SEPTIN2: variants seen among roughly 807,000 people sequenced by gnomAD.
The protein encoded by SEPTIN2 is septin 2, also known as septin-2.
SEPTIN2 carries 34 observed loss-of-function variants against 46.5 expected under a neutral mutation model. The ratio of observed to expected loss-of-function variants is 0.73; its 90% CI spans 0.56 to 0.97. The LOEUF is 0.97. Ranked by LOEUF, SEPTIN2 falls within the 50% of genes least tolerant of loss-of-function variation. The pLI is 0.00. For missense variants in SEPTIN2, 347 were observed against 448.4 expected (o/e 0.77, Z 2.04); for synonymous variants, 175 against 153.4 (o/e 1.14, Z -1.04).
At chr2:241,346,984 A>G (rs1174887292) in intron 10 of SEPTIN2, among the ~76,000 whole-genome samples, 2 of 152,122 alleles carry the variant, frequency 1.3e-5, no homozygotes, top group Non-Finnish European at 2.9e-5. Flanking sequence ...CTTTTTAACC[A>G]TTCTAATATG....
At chr2:241,324,822 T>C (rs2077680932) in intron 2 of SEPTIN2, 1 of 152,672 alleles carries the variant, frequency 6.5e-6, no homozygotes, top group Non-Finnish European at 1.5e-5. Flanking sequence ...TCTGATAATT[T>C]ATTATGATGA....
At chr2:241,322,642 A>C (rs192144242) in intron 1 of SEPTIN2, among the ~76,000 whole-genome samples, 3 of 151,974 alleles carry the variant, frequency 2.0e-5, no homozygotes, top group Non-Finnish European at 4.4e-5. Flanking sequence ...AAAATTCCAC[A>C]TATCTTTAAA....
At chr2:241,328,243 T>C (rs1001135032) in intron 3 of SEPTIN2, among the ~76,000 whole-genome samples, 2 of 152,114 alleles carry the variant, frequency 1.3e-5, no homozygotes, top group African/African-American at 4.8e-5. Flanking sequence ...GAGACCAGCC[T>C]GGCCAACATG....
chr2:241,343,530 T>C (rs937477767), intron 8 of SEPTIN2, among the ~76,000 whole-genome samples: 1 of 152,154 alleles, frequency 6.6e-6, no homozygotes, highest in African/African-American at 2.4e-5. Context: ...AGCTATCACC[T>C]AAAGCTTAGA....
At chr2:241,321,573 G>GTT (rs1001941458) in intron 1 of SEPTIN2, among the ~76,000 whole-genome samples, 1 of 146,002 alleles carries the variant, frequency 6.8e-6, no homozygotes, top group African/African-American at 2.5e-5. Context: ...TGTTGTTTTT[G>GTT]TTTTTTTTTT....
chr2:241,350,832 C>G (rs1050902622), intron 12 of SEPTIN2, among the ~76,000 whole-genome samples: 1 of 152,154 alleles, frequency 6.6e-6, no homozygotes, highest in East Asian at 1.9e-4. Context: ...GCCCACTCCC[C>G]TGTATCTTAT....
At chr2:241,317,752 C>A (rs1244353568) in intron 1 of SEPTIN2, among the ~76,000 whole-genome samples, 2 of 107,958 alleles carry the variant, frequency 1.9e-5, no homozygotes, top group African/African-American at 6.1e-5. Context: ...CATGGACCTT[C>A]CGGGTTCTAC....
At chr2:241,331,547 C>T (rs573933212) in intron 3 of SEPTIN2, among the ~76,000 whole-genome samples, 39 of 152,262 alleles carry the variant, frequency 2.6e-4, no homozygotes, top group African/African-American at 8.7e-4. Context: ...TGCGCCACCA[C>T]GCCCATCTAA....
Position 241,337,528 on chromosome 2 carries a change from T to C in SEPTIN2, c.476+12T>C, listed in dbSNP as rs766398294. On this transcript the variant is annotated intron_variant, in intron 6 of 12. Transcript: ENST00000391971. ...CCTTTTGGACATGGGTAAGTAATTG[T>C]TTATCGTGGAGAAATGCTTTACTAC... 2 of 1,612,972 alleles carry C rather than the reference T, an allele frequency of 1.2e-6. No individual in the cohort carries two copies. Among genetic ancestry groups the C allele is most frequent in the East Asian group, 4.5e-5 (2 of 44,846 alleles).
Position 241,346,273 on chromosome 2 carries a change from C to T in SEPTIN2, c.926+24C>T, listed in dbSNP as rs1183489417. 1.8e-5 allele frequency: 28 copies of T among 1,595,620 alleles called. No homozygotes were observed. The Admixed American group carries it at 4.2e-4, about 24-fold the overall frequency. ...AGGTCATCACACTGTGCCCCTTTCT[C>T]TGTATTGTGTCACCCTGAGCCACAA... On this transcript the variant is annotated intron_variant, in intron 10 of 12. Coordinates refer to ENST00000391971, the MANE Select transcript of SEPTIN2 (RefSeq NM_004404.5).
Position 241,352,227 on chromosome 2 carries a change from C to T in SEPTIN2, c.*290C>T, listed in dbSNP as rs140657749. On this transcript the variant is annotated 3_prime_UTR_variant, in exon 13 of 13. Coordinates refer to ENST00000391971, the MANE Select transcript of SEPTIN2 (RefSeq NM_004404.5). Reference sequence around the variant, plus strand: ...AATGTTAGAATTGATTTCCAAGAATCGGCATGTATACTTAATACTGAATTT... The same window carrying T: ...AATGTTAGAATTGATTTCCAAGAATTGGCATGTATACTTAATACTGAATTT... 2.6e-5 allele frequency: 4 copies of T among 152,756 alleles called. No individual in the cohort carries two copies. The highest frequency in any genetic ancestry group is 2.1e-4 in the South Asian group (1 of 4,826). 9.5% of individuals were successfully genotyped at this position (152,756 alleles called of 1,614,324 possible).
intron 3 of SEPTIN2, among the ~76,000 whole-genome samples, chr2:241,331,998 G>A (rs2149998751): frequency 6.6e-6 from 1 of 152,274 alleles, no homozygotes; most frequent in East Asian, 1.9e-4. Context: ...TTTACAGTCT[G>A]TAACAACTAG....
At chr2:241,334,215 CT>C (rs1165212684) in intron 3 of SEPTIN2, among the ~76,000 whole-genome samples, 1 of 152,136 alleles carries the variant, frequency 6.6e-6, no homozygotes, top group Non-Finnish European at 1.5e-5. Flanking sequence ...CTTCCTCATG[CT>C]TTGCAGAACT....
At chr2:241,325,715 T>A (rs1314851556) in intron 2 of SEPTIN2, among the ~76,000 whole-genome samples, 1 of 152,214 alleles carries the variant, frequency 6.6e-6, no homozygotes, top group African/African-American at 2.4e-5. Context: ...GTATCTTCTA[T>A]GTATTGTTAA....
chr2:241,339,495 C>A (rs1293664770), intron 7 of SEPTIN2, among the ~76,000 whole-genome samples: 3 of 152,222 alleles, frequency 2.0e-5, no homozygotes, highest in Non-Finnish European at 4.4e-5. Flanking sequence ...TAATACTATT[C>A]TGCCATTTGA....
At chr2:241,350,043 A>G (rs752353100) in intron 11 of SEPTIN2, 30 bp from the exon 12 acceptor site, 1 of 1,605,746 alleles carries the variant, frequency 6.2e-7, no homozygotes, top group South Asian at 1.1e-5. Flanking sequence ...GCAAACCTTG[A>G]AAACCTATAA....
intron 5 of SEPTIN2, chr2:241,336,704 T>C (rs2080055453): frequency 1.8e-5 from 3 of 170,830 alleles, no homozygotes; most frequent in African/African-American, 4.8e-5. Flanking sequence ...CCCAGCTCAG[T>C]TAAATGCTGT....
At chr2:241,325,940 A>G in intron 2 of SEPTIN2, 53 bp from the exon 3 acceptor site, 1 of 1,532,728 alleles carries the variant, frequency 6.5e-7, no homozygotes, top group Admixed American at 2.0e-5. Flanking sequence ...ATTATATCTT[A>G]AAAGCAACTA....
At chr2:241,344,031 A>C (rs932215156) in intron 9 of SEPTIN2, 134 bp downstream of exon 9, 4 of 1,115,204 alleles carry the variant, frequency 3.6e-6, no homozygotes, top group Non-Finnish European at 5.2e-6. Flanking sequence ...CTCACATCGC[A>C]GAAGTGGTGT....
Sources: gnomAD v4.1 joint callset for allele counts (sites outside exome capture counted in the v4.1 genomes callset) on GRCh38, gnomAD v4.1.1 for gene constraint, MANE v1.5 for transcripts, NCBI Gene and HGNC (gene_info 2026-07-23, HGNC 2026-07-21) for gene names.